The following FOXP2 variants were observed in gnomAD, a reference collection of about 807,000 sequenced individuals.
The protein encoded by FOXP2 is forkhead box P2.
A neutral mutation model predicts 115.8 loss-of-function variants in FOXP2; 12 were observed. That is an observed-to-expected ratio of 0.10 (90% CI 0.07 to 0.17). The LOEUF (loss-of-function observed/expected upper bound fraction) is 0.17, where lower values mean the gene tolerates loss of function less well. FOXP2 is among the 10% of genes least tolerant of loss of function. The pLI is 1.00. For synonymous variants in FOXP2, 328 were observed against 297.7 expected (o/e 1.10, Z -1.05); for missense variants, 629 against 843.5 (o/e 0.75, Z 3.15).
intron 2 of FOXP2, among the ~76,000 whole-genome samples, chr7:114,386,364 A>G (rs1350588419): frequency 2.0e-5 from 3 of 152,228 alleles, no homozygotes; most frequent in Non-Finnish European, 4.4e-5. Context: ...TAAGCTTTTT[A>G]AAACATTACT....
chr7:114,549,138 C>A (rs1272886000), intron 3 of FOXP2, among the ~76,000 whole-genome samples: 1 of 152,154 alleles, frequency 6.6e-6, no homozygotes. Context: ...TCTCTTACCC[C>A]AAACTTCCAT....
Position 114,534,612 on chromosome 7 carries a change from T to A in FOXP2, c.169-5T>A. 6.2e-7 allele frequency: 1 copy of A among 1,611,168 alleles called. No homozygotes were observed. ...ATTTAGATAAGGTTTCATTTTTACT[T>A]CTAGGCTCTCCAGGCAGCAAGACAA... On this transcript the variant is annotated splice_region_variant and splice_polypyrimidine_tract_variant and intron_variant, in intron 2 of 16. Coordinates refer to ENST00000350908, the MANE Select transcript of FOXP2 (RefSeq NM_014491.4).
intron 2 of FOXP2, among the ~76,000 whole-genome samples, chr7:114,382,178 C>G (rs1307395630): frequency 6.6e-6 from 1 of 152,110 alleles, no homozygotes; most frequent in Non-Finnish European, 1.5e-5. Context: ...CGGACAGTGA[C>G]AGATCTGGAG....
chr7:114,691,938 AAAAAG>A lies in FOXP2; in HGVS notation c.*2017_*2021del. 2.5e-6 allele frequency: 1 copy of A among 399,316 alleles called. No individual in the cohort carries two copies. The highest frequency in any genetic ancestry group is 1.8e-5 in the South Asian group (1 of 56,038). The allele number at this position is 399,316 out of a possible 1,614,324, so 24.7% of individuals were successfully genotyped here. On this transcript the variant is annotated 3_prime_UTR_variant, in exon 17 of 17. Coordinates refer to ENST00000350908, the MANE Select transcript of FOXP2 (RefSeq NM_014491.4). ...AAAGCTTCTACCTCTGCAAAAAAAA[AAAAAG>A]AAAAAAAAAAAAAGAAAAACATTAG...
chr7:114,536,397 CTTTTTTTTTT>C (rs3997242), intron 3 of FOXP2, among the ~76,000 whole-genome samples: 5 of 112,372 alleles, frequency 4.4e-5, no homozygotes, highest in Non-Finnish European at 5.5e-5. Context: ...TTTTTCTTTT[CTTTTTTTTTT>C]TTTTTTTTTT....
chr7:114,371,911 A>G (rs1020245970), intron 2 of FOXP2, among the ~76,000 whole-genome samples: 4 of 152,202 alleles, frequency 2.6e-5, no homozygotes, highest in Non-Finnish European at 5.9e-5. Context: ...ATCAATAGTA[A>G]TATTTACTGT....
chr7:114,319,325 C>T (rs1797353432), intron 2 of FOXP2, among the ~76,000 whole-genome samples: 1 of 152,178 alleles, frequency 6.6e-6, no homozygotes, highest in Non-Finnish European at 1.5e-5. Context: ...CACAGTTCTT[C>T]AGATAGAAGG....
intron 3 of FOXP2, among the ~76,000 whole-genome samples, chr7:114,618,606 C>A (rs902216609): frequency 1.3e-5 from 2 of 152,086 alleles, no homozygotes; most frequent in Admixed American, 1.3e-4. Context: ...TATTTTGTAC[C>A]AGAATATTCC....
At chr7:114,272,155 G>T (rs1796079999) in intron 1 of FOXP2, among the ~76,000 whole-genome samples, 1 of 149,270 alleles carries the variant, frequency 6.7e-6, no homozygotes, top group Non-Finnish European at 1.5e-5. Context: ...ATGATCGTGT[G>T]ATTCTTTAGT....
intron 16 of FOXP2, among the ~76,000 whole-genome samples, chr7:114,676,075 A>ATTTTTTTTTTTTTTT (rs11327459): frequency 5.7e-4 from 51 of 89,564 alleles, no homozygotes; most frequent in African/African-American, 1.2e-3. Flanking sequence ...AGGCCCGGCT[A>ATTTTTTTTTTTTTTT]TTTTTTTTTT....
chr7:114,402,038 C>A (rs1792898594), intron 2 of FOXP2, among the ~76,000 whole-genome samples: 1 of 152,314 alleles, frequency 6.6e-6, no homozygotes, highest in African/African-American at 2.4e-5. Context: ...ACAAGATTCC[C>A]TTGAACCCGT....
intron 1 of FOXP2, among the ~76,000 whole-genome samples, chr7:114,224,674 A>G (rs1794706167): frequency 6.6e-6 from 1 of 152,110 alleles, no homozygotes; most frequent in Non-Finnish European, 1.5e-5. Context: ...TGGATAGTGG[A>G]TACTCTTGTT....
At chr7:114,637,990 A>G (rs1409142590) in intron 6 of FOXP2, among the ~76,000 whole-genome samples, 1 of 152,182 alleles carries the variant, frequency 6.6e-6, no homozygotes, top group Non-Finnish European at 1.5e-5. Flanking sequence ...GCACTATGTA[A>G]GTATCAGTTA....
chr7:114,257,634 T>C lies in FOXP2; in HGVS notation c.-101-30385T>C, dbSNP rs1795655275. ...ATGCCCGGCTAGTTTTTTGTATTTTTAGTAGAGACAGGGTTTCACTGTGTT... is the reference window on the plus strand; with the variant it reads ...ATGCCCGGCTAGTTTTTTGTATTTTCAGTAGAGACAGGGTTTCACTGTGTT... On this transcript the variant is annotated intron_variant, in intron 1 of 17. Transcript: ENST00000634411. 2.0e-5 allele frequency among the ~76,000 whole-genome samples: 3 copies of C among 151,984 alleles called. No homozygotes were observed. In the South Asian group the frequency reaches 6.2e-4, roughly 31 times the overall value.
intron 1 of FOXP2, among the ~76,000 whole-genome samples, chr7:114,147,368 A>C (rs1218695691): frequency 1.3e-5 from 2 of 152,126 alleles, no homozygotes; most frequent in Non-Finnish European, 2.9e-5. Context: ...TTGTAGTGTG[A>C]TATGGTTTCG....
intron 3 of FOXP2, among the ~76,000 whole-genome samples, chr7:114,572,192 T>C (rs1801339394): frequency 6.6e-6 from 1 of 151,266 alleles, no homozygotes; most frequent in Admixed American, 6.6e-5. Flanking sequence ...CAAAATAAAC[T>C]CAAAAGTGGA....
chr7:114,553,634 C>G (rs1012278043), intron 3 of FOXP2, among the ~76,000 whole-genome samples: 1 of 152,038 alleles, frequency 6.6e-6, no homozygotes, highest in Admixed American at 6.6e-5. Flanking sequence ...TAGAATCTAG[C>G]TGAATAATTT....
At chr7:114,596,609 G>T (rs1802723171) in intron 3 of FOXP2, among the ~76,000 whole-genome samples, 1 of 152,002 alleles carries the variant, frequency 6.6e-6, no homozygotes, top group Non-Finnish European at 1.5e-5. Flanking sequence ...TTCTTCATCA[G>T]AAAGCAGTGA....
intron 1 of FOXP2, among the ~76,000 whole-genome samples, chr7:114,242,561 A>G (rs1325202098): frequency 1.3e-5 from 2 of 152,134 alleles, no homozygotes; most frequent in Non-Finnish European, 2.9e-5. Context: ...AGGATTGACA[A>G]CTGAGACCCA....
Sources: gnomAD v4.1 joint callset for allele counts (sites outside exome capture counted in the v4.1 genomes callset) on GRCh38, gnomAD v4.1.1 for gene constraint, MANE v1.5 for transcripts, NCBI Gene and HGNC (gene_info 2026-07-23, HGNC 2026-07-21) for gene names.